The following RFX7 variants were observed in gnomAD, a reference collection of about 807,000 sequenced individuals.
The protein encoded by RFX7 is DNA-binding protein RFX7.
A neutral mutation model predicts 111.8 loss-of-function variants in RFX7; 26 were observed. That is an observed-to-expected ratio of 0.23 (90% CI 0.17 to 0.32). The LOEUF (loss-of-function observed/expected upper bound fraction) is 0.32, where lower values mean the gene tolerates loss of function less well. Among genes scored for constraint, RFX7 ranks in the 10% least tolerant of loss-of-function variants. The probability of loss-of-function intolerance (pLI) is 1.00; values close to 1 mark genes in which losing one functional copy is unlikely to be tolerated. For synonymous variants in RFX7, 624 were observed against 624.4 expected (o/e 1.00, Z 0.01); for missense variants, 1,573 against 1,772.9 (o/e 0.89, Z 2.02).
intron 5 of RFX7, among the ~76,000 whole-genome samples, chr15:56,134,631 T>G (rs1225127911): frequency 1.1e-5 from 1 of 92,414 alleles, no homozygotes; most frequent in Non-Finnish European, 2.4e-5. Flanking sequence ...TTTTTTTTTT[T>G]ATTATACTTT....
chr15:56,130,904 T>C (rs2042203153), intron 5 of RFX7, among the ~76,000 whole-genome samples: 1 of 152,024 alleles, frequency 6.6e-6, no homozygotes. Context: ...ACCTAACCAG[T>C]GTAAAACACA....
At chr15:56,159,203 A>G (rs2141077861) in intron 3 of RFX7, among the ~76,000 whole-genome samples, 1 of 152,328 alleles carries the variant, frequency 6.6e-6, no homozygotes, top group Non-Finnish European at 1.5e-5. Context: ...ATACTACTTC[A>G]TTGTGTATGT....
At chr15:56,219,109 CTT>C (rs1158846846) in intron 2 of RFX7, among the ~76,000 whole-genome samples, 1 of 152,134 alleles carries the variant, frequency 6.6e-6, no homozygotes, top group Non-Finnish European at 1.5e-5. Flanking sequence ...ACAAAATTAA[CTT>C]TTACTTCTCC....
chr15:56,101,340 G>C lies in RFX7; in HGVS notation c.811+19C>G. ...TAATACCTCTGTCAGTTTTTAGCTT[G>C]TTCACAGTAATGTTGTACCTGCTGG... On this transcript the variant is annotated intron_variant, in intron 8 of 9. Transcript: ENST00000559447. 2 of 1,551,610 alleles carry C rather than the reference G, an allele frequency of 1.3e-6. No individual in the cohort carries two copies. The highest frequency in any genetic ancestry group is 1.8e-6 in the Non-Finnish European group (2 of 1,142,502).
chr15:56,095,168 G>C lies in RFX7; in HGVS notation c.2560C>G (p.Gln854Glu), dbSNP rs753823887. The C allele has an allele frequency of 2.5e-6, 4 of 1,613,818 alleles. No homozygotes were observed. The African/African-American group carries it at 5.3e-5, about 22-fold the overall frequency. The change falls in exon 10 of 10, where the codon CAG (glutamine) becomes GAG (glutamate). Residue 854 changes from glutamine to glutamate, a missense_variant. By Grantham distance (29) the Gln-to-Glu change is conservative. Around this residue, in one of 7 missense-constraint regions of RFX7, gnomAD observed 625 missense variants for 632.2 expected, o/e 0.99. Coordinates refer to ENST00000559447, the MANE Select transcript of RFX7 (RefSeq NM_022841.7). ...LNQIQAHSSD[Q>E]LPLQSELKEF... ...TTCAGTTCAGATTGCAGAGGTAACTGATCTGAAGAATGTGCTTGTATTTGA... is the reference window on the plus strand; with the variant it reads ...TTCAGTTCAGATTGCAGAGGTAACTCATCTGAAGAATGTGCTTGTATTTGA...
In RFX7 at chr15:56,218,576, G is replaced by A. The variant is rs192967774; in HGVS notation, c.161+24549C>T. Among the ~76,000 whole-genome samples, 250 of 152,294 alleles carry A rather than the reference G, an allele frequency of 1.6e-3. 1 individual carries two copies. The highest frequency in any genetic ancestry group is 5.7e-3 in the African/African-American group (238 of 41,548). On this transcript the variant is annotated intron_variant, in intron 2 of 9. Coordinates refer to ENST00000559447, the MANE Select transcript of RFX7 (RefSeq NM_022841.7). ...CCCCACAGATACAGAGGGACTGCTC[G>A]CTGTATGGCATCTAGGCCTCTAGAG...
At chr15:56,144,679 G>GA (rs1476211322) in intron 3 of RFX7, among the ~76,000 whole-genome samples, 196 bp from the exon 4 acceptor site, 6 of 151,976 alleles carry the variant, frequency 3.9e-5, no homozygotes, top group African/African-American at 1.4e-4. Context: ...TTTAATAAAA[G>GA]AAAATGGCAC....
At chr15:56,184,227 C>T (rs559074290) in intron 2 of RFX7, among the ~76,000 whole-genome samples, 1 of 124,428 alleles carries the variant, frequency 8.0e-6, no homozygotes, top group East Asian at 2.3e-4. Context: ...TTAGTAGAGA[C>T]GGAGTTTCTC....
intron 2 of RFX7, among the ~76,000 whole-genome samples, chr15:56,203,423 T>G (rs2043214852): frequency 6.6e-6 from 1 of 152,188 alleles, no homozygotes; most frequent in East Asian, 1.9e-4. Flanking sequence ...ATTTAAGGAT[T>G]AAGTTCCCCT....
chr15:56,186,931 A>G (rs1477622134), intron 2 of RFX7, among the ~76,000 whole-genome samples: 1 of 152,208 alleles, frequency 6.6e-6, no homozygotes, highest in Non-Finnish European at 1.5e-5. Context: ...AGAGTCTTCA[A>G]ATTTTTAATG....
chr15:56,110,428 C>T (rs1446832080), intron 5 of RFX7, among the ~76,000 whole-genome samples: 2 of 133,152 alleles, frequency 1.5e-5, no homozygotes, highest in Non-Finnish European at 1.6e-5. Flanking sequence ...GGGGTCAGCC[C>T]CCCGCCCGGC....
At chr15:56,206,289 T>C (rs747568157) in intron 2 of RFX7, among the ~76,000 whole-genome samples, 42 of 152,112 alleles carry the variant, frequency 2.8e-4, no homozygotes, top group Non-Finnish European at 4.9e-4. Flanking sequence ...CATGCTACAA[T>C]ATAAATGAAT....
Position 56,103,689 on chromosome 15 carries a change from C to A in RFX7, c.402-19G>T, listed in dbSNP as rs372319890. On this transcript the variant is annotated intron_variant, in intron 5 of 9. Transcript: ENST00000559447. ...ATAGCTCCTGCAAAAGAAGGAAGGACCAATTTAGAGTGACAGAATTCAGAA... is the reference window on the plus strand; with the variant it reads ...ATAGCTCCTGCAAAAGAAGGAAGGAACAATTTAGAGTGACAGAATTCAGAA... The A allele has an allele frequency of 2.8e-6, 4 of 1,447,012 alleles. No homozygotes were observed. In the African/African-American group the frequency reaches 4.2e-5, roughly 15 times the overall value. The allele number at this position is 1,447,012 out of a possible 1,614,324, so 89.6% of individuals were successfully genotyped here. A position where few individuals can be genotyped will look rare whatever the true frequency, so the allele number is the denominator to read the frequency against.
At chr15:56,127,349 C>G (rs753744354) in intron 5 of RFX7, among the ~76,000 whole-genome samples, 2 of 151,170 alleles carry the variant, frequency 1.3e-5, no homozygotes, top group Non-Finnish European at 2.9e-5. Flanking sequence ...TTTATAGGGA[C>G]ATATGCCTAC....
intron 5 of RFX7, among the ~76,000 whole-genome samples, chr15:56,139,426 C>T (rs2042355492): frequency 6.6e-6 from 1 of 152,226 alleles, no homozygotes; most frequent in Admixed American, 6.5e-5. Context: ...GAGGCTTCTG[C>T]ATTCTTCACG....
chr15:56,182,574 C>G (rs776109337), intron 2 of RFX7, among the ~76,000 whole-genome samples: 16 of 152,098 alleles, frequency 1.1e-4, no homozygotes, highest in Non-Finnish European at 2.1e-4. Context: ...TTCTGTGAAG[C>G]TTTTAAATGT....
intron 2 of RFX7, among the ~76,000 whole-genome samples, chr15:56,203,932 C>T (rs2043222348): frequency 6.6e-6 from 1 of 151,962 alleles, no homozygotes; most frequent in Non-Finnish European, 1.5e-5. Context: ...TCACTTTACT[C>T]TATGGTCCTG....
rs533441437 is a variant in RFX7 at position 56,220,335 on chromosome 15, A to C, written c.161+22790T>G. The stretch of plus-strand genomic sequence containing the variant: ...AACCTCTGCCTCCTGGGTTCAAGCG[A>C]TTCTTCTGCCTCAGCCTCCCAAGTA... On this transcript the variant is annotated intron_variant, in intron 2 of 9. Transcript: ENST00000559447. Among the ~76,000 whole-genome samples the C allele has an allele frequency of 3.3e-4, 50 of 152,158 alleles. 1 individual carries two copies. Among genetic ancestry groups the C allele is most frequent in the African/African-American group, 1.2e-3 (49 of 41,518 alleles).
chr15:56,148,850 G>C (rs531171683), intron 3 of RFX7, among the ~76,000 whole-genome samples: 1 of 152,144 alleles, frequency 6.6e-6, no homozygotes, highest in Admixed American at 6.5e-5. Flanking sequence ...GGGAGGCTGA[G>C]GTGGGCGGAT....
Sources: gnomAD v4.1 joint callset for allele counts (sites outside exome capture counted in the v4.1 genomes callset) on GRCh38, gnomAD v4.1.1 for gene constraint, gnomAD v4.1.1 regional missense constraint, MANE v1.5 for transcripts, NCBI Gene and HGNC (gene_info 2026-07-23, HGNC 2026-07-21) for gene names.